The following SLC16A7 variants were observed in gnomAD, a reference collection of about 807,000 sequenced individuals.
SLC16A7 encodes the protein solute carrier family 16 member 7, also known as monocarboxylate transporter 2.
Under a neutral mutation model 34.9 loss-of-function variants are expected in SLC16A7, and 33 were observed. The ratio of observed to expected loss-of-function variants is 0.94; its 90% CI spans 0.72 to 1.26. The LOEUF (loss-of-function observed/expected upper bound fraction) is 1.26, where lower values mean the gene tolerates loss of function less well. SLC16A7 is among the 50% of genes most tolerant of loss of function. The pLI is 0.00. For missense variants in SLC16A7, 573 were observed against 578.1 expected (o/e 0.99, Z 0.09); for synonymous variants, 201 against 206.6 (o/e 0.97, Z 0.23).
intron 3 of SLC16A7, among the ~76,000 whole-genome samples, chr12:59,721,742 TA>T (rs1875624760): frequency 6.6e-6 from 1 of 152,014 alleles, no homozygotes; most frequent in Admixed American, 6.6e-5. Context: ...GCTACCAATG[TA>T]GTGGTCATTT....
intron 3 of SLC16A7, among the ~76,000 whole-genome samples, chr12:59,707,158 C>T (rs564563073): frequency 1.3e-5 from 2 of 152,168 alleles, no homozygotes; most frequent in East Asian, 3.9e-4. Context: ...GAGGAATAAA[C>T]ATTATTTCTG....
intron 1 of SLC16A7, among the ~76,000 whole-genome samples, chr12:59,606,466 A>G (rs1878944166): frequency 6.6e-6 from 1 of 152,170 alleles, no homozygotes; most frequent in Non-Finnish European, 1.5e-5. Flanking sequence ...TGCCAACATA[A>G]TTATTGATGT....
At chr12:59,598,362 C>A (rs1025071970) in intron 1 of SLC16A7, among the ~76,000 whole-genome samples, 1 of 152,150 alleles carries the variant, frequency 6.6e-6, no homozygotes, top group Admixed American at 6.5e-5. Flanking sequence ...ATTTGAGCCC[C>A]TATAATCAGT....
chr12:59,746,665 T>C (rs1246623269), intron 3 of SLC16A7, among the ~76,000 whole-genome samples: 1 of 152,216 alleles, frequency 6.6e-6, no homozygotes, highest in Non-Finnish European at 1.5e-5. Context: ...GGCTGTCCTC[T>C]CATGCATCTG....
intron 3 of SLC16A7, among the ~76,000 whole-genome samples, chr12:59,762,124 T>C (rs1881079049): frequency 6.6e-6 from 1 of 152,118 alleles, no homozygotes; most frequent in Non-Finnish European, 1.5e-5. Flanking sequence ...GAGAGGGTCT[T>C]TGTCATTCTA....
At chr12:59,610,890 C>G (rs1196437429) in intron 1 of SLC16A7, among the ~76,000 whole-genome samples, 1 of 152,190 alleles carries the variant, frequency 6.6e-6, no homozygotes, top group Non-Finnish European at 1.5e-5. Flanking sequence ...GCTGCTATAA[C>G]AAAGTACCAT....
intron 5 of SLC16A7, among the ~76,000 whole-genome samples, chr12:59,777,744 C>CTGTA (rs1882902444): frequency 6.6e-6 from 1 of 151,638 alleles, no homozygotes; most frequent in Admixed American, 6.6e-5. Flanking sequence ...TGCTGGTGTG[C>CTGTA]TGTACCCATT....
chr12:59,614,755 G>A (rs866680358), intron 1 of SLC16A7, among the ~76,000 whole-genome samples: 3 of 142,850 alleles, frequency 2.1e-5, no homozygotes, highest in East Asian at 2.1e-4. Context: ...TTGGGAGGCC[G>A]AAGCGGGTGG....
intron 3 of SLC16A7, among the ~76,000 whole-genome samples, chr12:59,752,252 G>A (rs1311183440): frequency 6.6e-5 from 10 of 152,218 alleles, no homozygotes; most frequent in African/African-American, 1.2e-4. Flanking sequence ...AAAGCTGGAC[G>A]GAGAATGACT....
At chr12:59,715,598 G>C (rs1430385321) in intron 3 of SLC16A7, among the ~76,000 whole-genome samples, 1 of 152,132 alleles carries the variant, frequency 6.6e-6, no homozygotes, top group Admixed American at 6.5e-5. Context: ...TCATCATCTT[G>C]TTTGACCTCC....
intron 3 of SLC16A7, among the ~76,000 whole-genome samples, chr12:59,741,723 G>A (rs2706300): frequency 0.12 from 18,651 of 152,154 alleles, 1,497 homozygotes; most frequent in African/African-American, 0.22. Flanking sequence ...CAAGAACTTT[G>A]TGCTATTGGT....
chr12:59,757,376 C>T (rs992251927), intron 3 of SLC16A7, among the ~76,000 whole-genome samples: 2 of 152,204 alleles, frequency 1.3e-5, no homozygotes, highest in African/African-American at 2.4e-5. Context: ...ACATTCTGCA[C>T]ATGTATCCCA....
Position 59,779,613 on chromosome 12 carries a change from G to T in SLC16A7, c.1371G>T (p.Ser457=). The T allele has an allele frequency of 6.2e-7, 1 of 1,611,020 alleles. No individual in the cohort carries two copies. The highest frequency in any genetic ancestry group is 8.5e-7 in the Non-Finnish European group (1 of 1,177,620). Reference sequence around the variant, plus strand: ...AACCCTTGAGCAAATCTAAACATTCGGAAGATGTTAACGTCAAAGTTTCAA... The same window carrying T: ...AACCCTTGAGCAAATCTAAACATTCTGAAGATGTTAACGTCAAAGTTTCAA... ...ESEPLSKSKH[S]EDVNVKVSNA... Residue 457 remains serine, a synonymous_variant, in exon 6 of 6, where the codon TCG becomes TCT. Coordinates refer to ENST00000547379, the MANE Select transcript of SLC16A7 (RefSeq NM_001270623.2).
intron 2 of SLC16A7, among the ~76,000 whole-genome samples, chr12:59,701,021 G>T (rs1872813751): frequency 6.6e-6 from 1 of 151,532 alleles, no homozygotes; most frequent in Non-Finnish European, 1.5e-5. Context: ...TTAAGATTTG[G>T]CTTTTAAAAG....
At chr12:59,635,542 T>C (rs1228640881) in intron 1 of SLC16A7, among the ~76,000 whole-genome samples, 1 of 152,104 alleles carries the variant, frequency 6.6e-6, no homozygotes, top group Non-Finnish European at 1.5e-5. Flanking sequence ...CTTAATAATC[T>C]AGAAACAAAT....
At chr12:59,763,298 T>C (rs1195872243) in intron 3 of SLC16A7, among the ~76,000 whole-genome samples, 2 of 152,100 alleles carry the variant, frequency 1.3e-5, no homozygotes, top group African/African-American at 4.8e-5. Context: ...CTTGTTCACA[T>C]AATAAAGTAG....
chr12:59,707,020 T>C (rs1408449527), intron 3 of SLC16A7, among the ~76,000 whole-genome samples: 3 of 152,160 alleles, frequency 2.0e-5, no homozygotes, highest in African/African-American at 7.2e-5. Flanking sequence ...AAGCAATGTT[T>C]CAAAAAGTGG....
intron 1 of SLC16A7, among the ~76,000 whole-genome samples, chr12:59,636,952 C>T (rs1301030263): frequency 6.6e-6 from 1 of 152,038 alleles, no homozygotes. Context: ...CATTATGGGC[C>T]TGTAGAAGTC....
intron 2 of SLC16A7, among the ~76,000 whole-genome samples, chr12:59,700,328 T>A (rs1177018701): frequency 6.6e-6 from 1 of 151,676 alleles, no homozygotes; most frequent in Non-Finnish European, 1.5e-5. Context: ...GAATCAACTG[T>A]ACTCTGTGAC....
Sources: allele counts gnomAD v4.1 joint callset (sites outside exome capture counted in the v4.1 genomes callset), GRCh38; gene constraint gnomAD v4.1.1; transcripts MANE v1.5; gene names NCBI Gene and HGNC (gene_info 2026-07-23, HGNC 2026-07-21).